The following STX8 variants were observed in gnomAD, a reference collection of about 807,000 sequenced individuals.
STX8 encodes syntaxin 8, also known as syntaxin-8.
A neutral mutation model predicts 37.5 loss-of-function variants in STX8; 23 were observed. That is an observed-to-expected ratio of 0.61 (90% CI 0.44 to 0.87). STX8 has a LOEUF of 0.87. Ranked by LOEUF, STX8 falls within the 40% of genes least tolerant of loss-of-function variation. STX8 has a pLI of 0.00. For synonymous variants in STX8, 115 were observed against 99.1 expected (o/e 1.16, Z -0.95); for missense variants, 313 against 284.7 (o/e 1.10, Z -0.71).
chr17:9,542,417 C>A (rs1483235599), intron 4 of STX8, among the ~76,000 whole-genome samples: 1 of 149,530 alleles, frequency 6.7e-6, no homozygotes, highest in Non-Finnish European at 1.5e-5. Context: ...GTGGCTCACG[C>A]CTGTAATCCC....
chr17:9,291,654 A>T (rs1182996064), intron 7 of STX8, among the ~76,000 whole-genome samples: 4 of 152,266 alleles, frequency 2.6e-5, no homozygotes, highest in Non-Finnish European at 4.4e-5. Flanking sequence ...AACAGCTTTG[A>T]GATTTTATAT....
intron 6 of STX8, among the ~76,000 whole-genome samples, chr17:9,399,289 TAAC>T (rs2142315579): frequency 6.6e-6 from 1 of 152,294 alleles, no homozygotes; most frequent in South Asian, 2.1e-4. Flanking sequence ...TAAGGGATCA[TAAC>T]AATTCCCGAG....
At chr17:9,511,342 T>C (rs909795656) in intron 4 of STX8, among the ~76,000 whole-genome samples, 1 of 152,040 alleles carries the variant, frequency 6.6e-6, no homozygotes, top group African/African-American at 2.4e-5. Context: ...CTGATAAATA[T>C]ACACACAAAA....
At chr17:9,271,990 G>C (rs914750083) in intron 7 of STX8, among the ~76,000 whole-genome samples, 1 of 152,188 alleles carries the variant, frequency 6.6e-6, no homozygotes, top group Non-Finnish European at 1.5e-5. Flanking sequence ...GGCAAAGCAG[G>C]TACCCAGTGA....
intron 7 of STX8, among the ~76,000 whole-genome samples, chr17:9,375,041 G>A (rs2142278901): frequency 7.0e-6 from 1 of 142,348 alleles, no homozygotes; most frequent in South Asian, 2.3e-4. Flanking sequence ...TCCAGCCAGG[G>A]TGACAGAGTG....
intron 4 of STX8, among the ~76,000 whole-genome samples, chr17:9,525,471 T>C (rs1040266685): frequency 1.3e-5 from 2 of 151,784 alleles, no homozygotes; most frequent in Non-Finnish European, 2.9e-5. Context: ...CTCAGCCTCC[T>C]GAGTAGCTGG....
At chr17:9,428,790 G>A (rs9908951) in intron 6 of STX8, among the ~76,000 whole-genome samples, 69,212 of 151,960 alleles carry the variant, frequency 0.46, 16,166 homozygotes, top group Middle Eastern at 0.57. Flanking sequence ...TCCAAGTTCA[G>A]TGTTACCTTG....
chr17:9,400,011 T>C (rs1395941137), intron 6 of STX8, among the ~76,000 whole-genome samples: 2 of 152,132 alleles, frequency 1.3e-5, no homozygotes, highest in Non-Finnish European at 2.9e-5. Context: ...TATGATCCAG[T>C]TGAGTGTGCC....
At chr17:9,323,058 G>C (rs2142206763) in intron 7 of STX8, among the ~76,000 whole-genome samples, 1 of 151,814 alleles carries the variant, frequency 6.6e-6, no homozygotes, top group African/African-American at 2.4e-5. Context: ...AAAAATAGGG[G>C]GTCTTTTCAT....
intron 5 of STX8, among the ~76,000 whole-genome samples, chr17:9,504,060 A>T (rs7216501): frequency 6.6e-5 from 10 of 152,024 alleles, no homozygotes; most frequent in African/African-American, 2.2e-4. Flanking sequence ...CACCACACCC[A>T]GCCGACACAT....
intron 6 of STX8, among the ~76,000 whole-genome samples, chr17:9,420,207 G>A (rs942549752): frequency 1.3e-5 from 2 of 152,206 alleles, no homozygotes; most frequent in African/African-American, 4.8e-5. Context: ...AAGGAGTCCT[G>A]AGAACTCATC....
At chr17:9,418,165 G>T (rs1913266198) in intron 6 of STX8, among the ~76,000 whole-genome samples, 2 of 152,182 alleles carry the variant, frequency 1.3e-5, no homozygotes. Context: ...TGTGGAGTCT[G>T]ATGCTAATTA....
Position 9,538,227 on chromosome 17 carries a change from G to A in STX8, c.323+6945C>T, listed in dbSNP as rs577800450. 2.0e-4 allele frequency among the ~76,000 whole-genome samples: 30 copies of A among 152,316 alleles called. No individual in the cohort carries two copies. The South Asian group carries it at 4.8e-3, about 24-fold the overall frequency. On this transcript the variant is annotated intron_variant, in intron 4 of 7. Transcript: ENST00000306357. ...CCTTGCACATCAGAAAAGCTAGGAC[G>A]TCACTGTATTTCAGGGACATACATA...
intron 7 of STX8, among the ~76,000 whole-genome samples, chr17:9,303,093 A>G (rs1908844148): frequency 6.6e-6 from 1 of 151,974 alleles, no homozygotes; most frequent in South Asian, 2.1e-4. Context: ...AGAGATCGAG[A>G]CCATCCTGGC....
chr17:9,436,495 TTTTGAAAAATATCAA>T (rs1398612213), intron 6 of STX8, among the ~76,000 whole-genome samples: 3 of 152,184 alleles, frequency 2.0e-5, no homozygotes, highest in African/African-American at 7.2e-5. Flanking sequence ...ATGATTCTGA[TTTTGAAAAATATCAA>T]TACACAAAAA....
chr17:9,396,312 G>A (rs1233648459), intron 6 of STX8, among the ~76,000 whole-genome samples: 1 of 148,534 alleles, frequency 6.7e-6, no homozygotes, highest in African/African-American at 2.5e-5. Context: ...ATCAGTGGTT[G>A]CCAGGAGTTT....
At chr17:9,494,368 C>T (rs889846756) in intron 5 of STX8, among the ~76,000 whole-genome samples, 2 of 151,274 alleles carry the variant, frequency 1.3e-5, no homozygotes, top group African/African-American at 4.8e-5. Context: ...GTGGCTCACG[C>T]CTGTAATCCC....
chr17:9,459,836 A>G (rs1019369402), intron 6 of STX8, among the ~76,000 whole-genome samples: 5 of 152,246 alleles, frequency 3.3e-5, no homozygotes, highest in Non-Finnish European at 7.3e-5. Flanking sequence ...TCTTAAGCAC[A>G]GAAGAGTTGA....
rs543884626 is a variant in STX8, at chr17:9,527,040, G to A, written c.323+18132C>T. ...TAAAAATACAAAAAATTAGCCGGGC[G>A]CGGTGGCGGGCGCCTGTAGTCCCAG... On this transcript the variant is annotated intron_variant, in intron 4 of 7. Transcript: ENST00000306357. Among the ~76,000 whole-genome samples, 387 of 148,216 alleles carry A rather than the reference G, an allele frequency of 2.6e-3. 3 individuals are homozygous for A. The highest frequency in any genetic ancestry group is 9.1e-3 in the African/African-American group (365 of 40,268).
Sources: gnomAD v4.1 joint callset for allele counts (sites outside exome capture counted in the v4.1 genomes callset) on GRCh38, gnomAD v4.1.1 for gene constraint, MANE v1.5 for transcripts, NCBI Gene and HGNC (gene_info 2026-07-23, HGNC 2026-07-21) for gene names.